EXOC4: variants seen among roughly 807,000 people sequenced by gnomAD.
EXOC4 encodes exocyst complex component 4.
A neutral mutation model predicts 107.2 loss-of-function variants in EXOC4; 71 were observed. The ratio of observed to expected loss-of-function variants is 0.66; its 90% CI spans 0.55 to 0.81. The LOEUF (loss-of-function observed/expected upper bound fraction) is 0.81, where lower values mean the gene tolerates loss of function less well. EXOC4 is among the 30% of genes least tolerant of loss of function. EXOC4 has a pLI of 0.00. For missense variants in EXOC4, 1,108 were observed against 1,189.6 expected (o/e 0.93, Z 1.01); for synonymous variants, 456 against 441.2 (o/e 1.03, Z -0.42).
chr7:133,711,430 A>G (rs1249440123), intron 10 of EXOC4, among the ~76,000 whole-genome samples: 1 of 152,220 alleles, frequency 6.6e-6, no homozygotes, highest in Non-Finnish European at 1.5e-5. Context: ...ACTGATAAAA[A>G]TACACACGAT....
At chr7:133,544,147 AC>A (rs1800434938) in intron 9 of EXOC4, among the ~76,000 whole-genome samples, 1 of 152,132 alleles carries the variant, frequency 6.6e-6, no homozygotes, top group Non-Finnish European at 1.5e-5. Context: ...TCTAAACAGA[AC>A]AAAGATTCCT....
chr7:133,646,893 C>G (rs780753031), intron 10 of EXOC4, among the ~76,000 whole-genome samples: 1 of 152,076 alleles, frequency 6.6e-6, no homozygotes, highest in African/African-American at 2.4e-5. Flanking sequence ...TAAGACAGCT[C>G]GAAGCCTTTC....
chr7:133,276,597 G>C (rs567441933), intron 2 of EXOC4, among the ~76,000 whole-genome samples: 1 of 152,150 alleles, frequency 6.6e-6, no homozygotes, highest in East Asian at 1.9e-4. Context: ...AAGAGAGGCA[G>C]TGCTCTCCTC....
chr7:133,839,030 A>T (rs142831103), intron 11 of EXOC4, among the ~76,000 whole-genome samples: 10 of 152,330 alleles, frequency 6.6e-5, no homozygotes, highest in African/African-American at 2.4e-4. Context: ...GCATACATAC[A>T]ATGAGTAGAG....
intron 13 of EXOC4, among the ~76,000 whole-genome samples, chr7:133,925,283 A>T (rs1800026720): frequency 6.6e-6 from 1 of 152,182 alleles, no homozygotes. Flanking sequence ...TTCCAGGCTT[A>T]ACTTTGAATG....
chr7:133,702,916 C>T (rs951598990), intron 10 of EXOC4, among the ~76,000 whole-genome samples: 3 of 152,182 alleles, frequency 2.0e-5, no homozygotes, highest in African/African-American at 7.2e-5. Flanking sequence ...CCATCTTTAT[C>T]GTCACTATTA....
chr7:133,331,733 G>A (rs1378345923), intron 5 of EXOC4, among the ~76,000 whole-genome samples: 4 of 152,154 alleles, frequency 2.6e-5, no homozygotes, highest in Non-Finnish European at 5.9e-5. Context: ...CCAAAGTGAG[G>A]TATTATCTTT....
rs544315390 is a variant in EXOC4, at chr7:133,967,308, G to T, written c.2206+29239G>T. 5.3e-5 allele frequency among the ~76,000 whole-genome samples: 8 copies of T among 151,162 alleles called. No homozygotes were observed. In the South Asian group the frequency reaches 1.5e-3, roughly 28 times the overall value. ...TGATTTTTTTTTTGAAGTGTTTTTC[G>T]TCTCTCTGTCTCTTTCAATTCTGCT... On this transcript the variant is annotated intron_variant, in intron 14 of 17. Transcript: ENST00000253861.
At chr7:133,871,636 CCT>C (rs1199712935) in intron 11 of EXOC4, among the ~76,000 whole-genome samples, 2 of 152,092 alleles carry the variant, frequency 1.3e-5, no homozygotes, top group African/African-American at 4.8e-5. Context: ...TCTCTTTCTC[CCT>C]CTGTTTCCAC....
chr7:133,301,294 T>C (rs1794635779), intron 3 of EXOC4, among the ~76,000 whole-genome samples: 1 of 152,220 alleles, frequency 6.6e-6, no homozygotes, highest in South Asian at 2.1e-4. Flanking sequence ...GATTTTGTGA[T>C]GTTCTTATTT....
intron 2 of EXOC4, among the ~76,000 whole-genome samples, chr7:133,282,522 A>G (rs1794180928): frequency 6.6e-6 from 1 of 152,228 alleles, no homozygotes; most frequent in Non-Finnish European, 1.5e-5. Flanking sequence ...TCACATTTAT[A>G]AAAGTAGAAC....
intron 3 of EXOC4, among the ~76,000 whole-genome samples, chr7:133,293,007 A>T (rs1794441493): frequency 1.3e-5 from 2 of 152,232 alleles, no homozygotes; most frequent in Non-Finnish European, 2.9e-5. Context: ...TAATTAAATG[A>T]ATGACAATGA....
At chr7:133,615,440 G>A (rs1490505902) in intron 9 of EXOC4, among the ~76,000 whole-genome samples, 2 of 151,914 alleles carry the variant, frequency 1.3e-5, no homozygotes, top group Non-Finnish European at 2.9e-5. Flanking sequence ...TTATTTTTCT[G>A]TTTATGTTAT....
At chr7:133,888,322 A>G (rs1799131391) in intron 11 of EXOC4, among the ~76,000 whole-genome samples, 1 of 152,206 alleles carries the variant, frequency 6.6e-6, no homozygotes, top group Admixed American at 6.5e-5. Flanking sequence ...TTCACTGTCA[A>G]GACTGGAAAA....
At chr7:133,623,424 A>G (rs2151008379) in intron 9 of EXOC4, among the ~76,000 whole-genome samples, 1 of 152,334 alleles carries the variant, frequency 6.6e-6, no homozygotes, top group South Asian at 2.1e-4. Context: ...TGTAGGTAGA[A>G]TTCACTTGGT....
chr7:133,946,139 C>T (rs1490992690), intron 14 of EXOC4, among the ~76,000 whole-genome samples: 1 of 152,208 alleles, frequency 6.6e-6, no homozygotes, highest in East Asian at 1.9e-4. Context: ...AATCACCTTT[C>T]TATGGTTAGA....
At chr7:133,763,151 T>G (rs1356302462) in intron 10 of EXOC4, among the ~76,000 whole-genome samples, 1 of 152,098 alleles carries the variant, frequency 6.6e-6, no homozygotes, top group African/African-American at 2.4e-5. Flanking sequence ...GGGATATATA[T>G]CCCAGTGAGT....
intron 7 of EXOC4, among the ~76,000 whole-genome samples, chr7:133,463,240 C>T (rs997690980): frequency 6.6e-6 from 1 of 152,156 alleles, no homozygotes; most frequent in Non-Finnish European, 1.5e-5. Flanking sequence ...ACTAACTACA[C>T]ATTTTGATCC....
chr7:133,393,245 A>G (rs1274694094), intron 7 of EXOC4, among the ~76,000 whole-genome samples: 1 of 151,992 alleles, frequency 6.6e-6, no homozygotes. Flanking sequence ...CCTCTACTGA[A>G]TCCACATCTT....
Sources: allele counts gnomAD v4.1 joint callset (sites outside exome capture counted in the v4.1 genomes callset), GRCh38; gene constraint gnomAD v4.1.1; transcripts MANE v1.5; gene names NCBI Gene and HGNC (gene_info 2026-07-23, HGNC 2026-07-21).